The following FBXL14 variants were observed in gnomAD, a reference collection of about 807,000 sequenced individuals.
FBXL14 encodes the protein F-box and leucine rich repeat protein 14.
A neutral mutation model predicts 24.5 loss-of-function variants in FBXL14; 11 were observed. The observed-to-expected ratio is 0.45, with a 90% CI of 0.28 to 0.74. The LOEUF (loss-of-function observed/expected upper bound fraction) is 0.74. Among genes scored for constraint, FBXL14 ranks in the 30% least tolerant of loss-of-function variants. The probability of loss-of-function intolerance (pLI) is 0.12; values close to 1 mark genes in which losing one functional copy is unlikely to be tolerated. For synonymous variants in FBXL14, 294 were observed against 240.4 expected, an observed-to-expected ratio of 1.22 and a Z score of -2.06; for missense variants, 384 against 545.6, an observed-to-expected ratio of 0.70 and a Z score of 2.95.
intron 1 of FBXL14, 64 bp downstream of exon 1, chr12:1,592,809 C>T (rs1592490497): frequency 1.5e-6 from 2 of 1,336,662 alleles, no homozygotes; most frequent in Non-Finnish European, 2.1e-6. Context: ...TGTGTGGGGG[C>T]GGTGGTAATG....
Position 1,566,574 on chromosome 12 carries a change from G to A in FBXL14, c.*174C>T, listed in dbSNP as rs184064808. The A allele has an allele frequency of 8.7e-5, 51 of 588,368 alleles. No homozygotes were observed. The highest frequency in any genetic ancestry group is 4.5e-4 in the Middle Eastern group (1 of 2,216). 36.4% of individuals were successfully genotyped at this position (588,368 alleles called of 1,614,324 possible). On this transcript the variant is annotated 3_prime_UTR_variant, in exon 2 of 2. Coordinates refer to ENST00000339235, the MANE Select transcript of FBXL14 (RefSeq NM_152441.3). Reference sequence around the variant, plus strand: ...CACTGTCCCCAGAACTGGAGAAACCGGCAGGAGAATGCAGCTTCACAAGGT... The same window carrying A: ...CACTGTCCCCAGAACTGGAGAAACCAGCAGGAGAATGCAGCTTCACAAGGT...
rs567766539 is a variant in FBXL14, at chr12:1,581,632, C to T, written c.1194+11241G>A. ...TGGATGAAAACAACGTTGGTCCTGA[C>T]GGCTGTGAGCACAGAACTAGAGTGA... On this transcript the variant is annotated intron_variant, in intron 1 of 1. Transcript: ENST00000339235. Among the ~76,000 whole-genome samples, 213 of 152,292 alleles carry T rather than the reference C, an allele frequency of 1.4e-3. 1 individual carries two copies. The Middle Eastern group carries it at 0.017, about 12-fold the overall frequency.
intron 1 of FBXL14, among the ~76,000 whole-genome samples, chr12:1,582,369 T>C (rs904644302): frequency 6.6e-6 from 1 of 152,140 alleles, no homozygotes; most frequent in Non-Finnish European, 1.5e-5. Context: ...TCCTCAGCGT[T>C]CACACATTCC....
intron 1 of FBXL14, among the ~76,000 whole-genome samples, chr12:1,582,223 AAAAG>A (rs1565586562): frequency 6.6e-6 from 1 of 151,312 alleles, no homozygotes; most frequent in East Asian, 1.9e-4. Context: ...AGAAGAAAGA[AAAAG>A]AGAAAGAAAG....
At chr12:1,591,340 G>T (rs1014905462) in intron 1 of FBXL14, among the ~76,000 whole-genome samples, 13 of 118,212 alleles carry the variant, frequency 1.1e-4, no homozygotes, top group Non-Finnish European at 2.2e-4. Flanking sequence ...GCAGATACAA[G>T]GCTGTTGTTT....
chr12:1,566,637 G>T lies in FBXL14; in HGVS notation c.*111C>A. 1 of 735,572 alleles carries T rather than the reference G, an allele frequency of 1.4e-6. No homozygotes were observed. Among genetic ancestry groups the T allele is most frequent in the African/African-American group, 1.7e-5 (1 of 57,976 alleles). 45.6% of individuals were successfully genotyped at this position (735,572 alleles called of 1,614,324 possible). A position where few individuals can be genotyped will look rare whatever the true frequency, so the allele number is the denominator to read the frequency against. ...GCCCTGGGCAGCAGCCTCTGCCCGA[G>T]CAGTGACAGGCAGGGAAACCTGAGC... On this transcript the variant is annotated 3_prime_UTR_variant, in exon 2 of 2. Coordinates refer to ENST00000339235, the MANE Select transcript of FBXL14 (RefSeq NM_152441.3).
chr12:1,574,267 A>C (rs75866455), intron 1 of FBXL14, among the ~76,000 whole-genome samples: 6,689 of 126,030 alleles, frequency 0.053, 201 homozygotes, highest in African/African-American at 0.086. Context: ...CCCCTGAAAA[A>C]TGCAGTTTTC....
rs1207796527 is a variant in FBXL14 at position 1,594,301 on chromosome 12, G to C, written c.-235C>G. On this transcript the variant is annotated 5_prime_UTR_variant, in exon 1 of 2. Transcript: ENST00000339235. Reference sequence around the variant, plus strand: ...TGCGCCTCCGGCCCGGCCCTCCCCCGCCCCGGGCTCCGCACGGCGCTCACA... The same window carrying C: ...TGCGCCTCCGGCCCGGCCCTCCCCCCCCCCGGGCTCCGCACGGCGCTCACA... The C allele has an allele frequency of 6.3e-6, 1 of 157,954 alleles. No individual in the cohort carries two copies. The highest frequency in any genetic ancestry group is 6.6e-5 in the Admixed American group (1 of 15,092). The allele number at this position is 157,954 out of a possible 1,614,324, so 9.8% of individuals were successfully genotyped here. A position where few individuals can be genotyped will look rare whatever the true frequency, so the allele number is the denominator to read the frequency against.
At chr12:1,575,829 C>A (rs1398660058) in intron 1 of FBXL14, among the ~76,000 whole-genome samples, 1 of 152,136 alleles carries the variant, frequency 6.6e-6, no homozygotes, top group Non-Finnish European at 1.5e-5. Context: ...CCTTAGGGAA[C>A]CGTCTTTGCC....
chr12:1,593,125 G>A lies in FBXL14; in HGVS notation c.942C>T (p.Ser314=), dbSNP rs569892746. 35 of 1,613,718 alleles carry A rather than the reference G, an allele frequency of 2.2e-5. No homozygotes were observed. The South Asian group carries it at 3.3e-4, about 15-fold the overall frequency. ...LDGLKSLSLC[S]CHISDDGINR... The stretch of plus-strand genomic sequence containing the variant: ...TGATGCCATCATCACTGATGTGGCA[G>A]GAGCAGAGGGAGAGAGACTTGAGGC... Residue 314 remains serine, a synonymous_variant, in exon 1 of 2, where the codon TCC becomes TCT. Coordinates refer to ENST00000339235, the MANE Select transcript of FBXL14 (RefSeq NM_152441.3). This position sits in a 1 kb window ranked among gnomAD's most constrained non-coding sequence, Gnocchi z 7.4.
intron 1 of FBXL14, 119 bp from the exon 2 acceptor site, chr12:1,566,929 G>A: frequency 1.6e-6 from 1 of 643,960 alleles, no homozygotes; most frequent in Non-Finnish European, 2.8e-6. Context: ...TGACCTGGGG[G>A]AAGGGAAACT....
Position 1,566,065 on chromosome 12 carries a change from A to G in FBXL14, c.*683T>C, listed in dbSNP as rs1375826260. The G allele has an allele frequency of 6.6e-6, 1 of 152,644 alleles. No individual in the cohort carries two copies. The highest frequency in any genetic ancestry group is 1.9e-4 in the East Asian group (1 of 5,196). 9.5% of individuals were successfully genotyped at this position (152,644 alleles called of 1,614,324 possible). On this transcript the variant is annotated 3_prime_UTR_variant, in exon 2 of 2. Coordinates refer to ENST00000339235, the MANE Select transcript of FBXL14 (RefSeq NM_152441.3). ...AAATGGAAACCCCGTGGGGAGAGGA[A>G]ATGCATCTGTGGAATGTAGAGTGGA...
chr12:1,585,693 G>A (rs887393423), intron 1 of FBXL14, among the ~76,000 whole-genome samples: 1 of 152,190 alleles, frequency 6.6e-6, no homozygotes, highest in Non-Finnish European at 1.5e-5. Context: ...TGTGGATTAC[G>A]TAAATGGGGG....
At chr12:1,592,833 G>C (rs1414990709) in intron 1 of FBXL14, 40 bp downstream of exon 1, 1 of 1,515,182 alleles carries the variant, frequency 6.6e-7, no homozygotes, top group Non-Finnish European at 8.9e-7. Context: ...GGATGAACAG[G>C]GCGGGACAAG....
At chr12:1,585,408 A>G (rs1476300668) in intron 1 of FBXL14, among the ~76,000 whole-genome samples, 5 of 152,182 alleles carry the variant, frequency 3.3e-5, no homozygotes, top group Admixed American at 3.3e-4. Flanking sequence ...AAAAAAAAAA[A>G]AAAAATGTAG....
intron 1 of FBXL14, 21 bp from the exon 2 acceptor site, chr12:1,566,831 A>G (rs1354599108): frequency 2.6e-6 from 2 of 780,590 alleles, no homozygotes; most frequent in East Asian, 2.4e-5. Flanking sequence ...AAGAAGAAAA[A>G]GGACCATTTT....
At chr12:1,590,953 T>G (rs1248667425) in intron 1 of FBXL14, among the ~76,000 whole-genome samples, 1 of 152,204 alleles carries the variant, frequency 6.6e-6, no homozygotes, top group African/African-American at 2.4e-5. Context: ...AAAATCCATC[T>G]TTCTTGCCCA....
Position 1,572,366 on chromosome 12 carries a change from G to GAAGTTTCCTACTGTAC in FBXL14, c.1195-5557_1195-5556insGTACAGTAGGAAACTT. Among the ~76,000 whole-genome samples the GAAGTTTCCTACTGTAC allele has an allele frequency of 2.0e-5, 3 of 152,372 alleles. No individual in the cohort carries two copies. The East Asian group carries it at 5.8e-4, about 29-fold the overall frequency. On this transcript the variant is annotated intron_variant, in intron 1 of 1. Coordinates refer to ENST00000339235, the MANE Select transcript of FBXL14 (RefSeq NM_152441.3). ...ATACAGGACACTTCTTGGCTCCCAA[G>GAAGTTTCCTACTGTAC]AGTTTCCTACTGTACGTTTGCAACT...
At chr12:1,592,773 G>T (rs1416294210) in intron 1 of FBXL14, 100 bp downstream of exon 1, 1 of 1,037,924 alleles carries the variant, frequency 9.6e-7, no homozygotes, top group Non-Finnish European at 1.4e-6. Context: ...CCGCTGCAAT[G>T]ATCTGTGCGT....
Sources: gnomAD v4.1 joint callset for allele counts (sites outside exome capture counted in the v4.1 genomes callset) on GRCh38, gnomAD v4.1.1 for gene constraint, Gnocchi (gnomAD v3.1) non-coding constraint, MANE v1.5 for transcripts, NCBI Gene and HGNC (gene_info 2026-07-23, HGNC 2026-07-21) for gene names.